Variants in PRDM11 observed in about 807,000 individuals in gnomAD.
PRDM11 encodes PR domain-containing protein 11.
A neutral mutation model predicts 97.8 loss-of-function variants in PRDM11; 20 were observed. The ratio of observed to expected loss-of-function variants is 0.20; its 90% CI spans 0.14 to 0.30. The LOEUF (loss-of-function observed/expected upper bound fraction) is 0.30, where lower values mean the gene tolerates loss of function less well. PRDM11 is among the 10% of genes least tolerant of loss of function. PRDM11 has a pLI of 1.00. For synonymous variants in PRDM11, 599 were observed against 637.7 expected (o/e 0.94, Z 0.91); for missense variants, 1,139 against 1,555.2 (o/e 0.73, Z 4.50).
At chr11:45,207,877 A>G (rs1319342853) in intron 5 of PRDM11, among the ~76,000 whole-genome samples, 1 of 152,206 alleles carries the variant, frequency 6.6e-6, no homozygotes, top group Non-Finnish European at 1.5e-5. Context: ...AAGGAAACCA[A>G]GGAGTGAATG....
intron 2 of PRDM11, 136 bp downstream of exon 2, chr11:45,182,021 G>T (rs371826047): frequency 1.6e-5 from 14 of 856,438 alleles, no homozygotes; most frequent in Admixed American, 5.5e-5. Context: ...GCTCCTGGGC[G>T]CAGGCTCTAG....
intron 1 of PRDM11, among the ~76,000 whole-genome samples, chr11:45,109,404 C>T (rs188993435): frequency 6.6e-6 from 1 of 152,306 alleles, no homozygotes; most frequent in African/African-American, 2.4e-5. Flanking sequence ...CCTTGGATGT[C>T]GCAGGGCTAT....
chr11:45,191,173 GTTGT>G (rs1205231263), intron 4 of PRDM11, among the ~76,000 whole-genome samples: 1 of 152,058 alleles, frequency 6.6e-6, no homozygotes, highest in East Asian at 1.9e-4. Context: ...GTTCAGGCTA[GTTGT>G]TTGCATAATG....
intron 4 of PRDM11, among the ~76,000 whole-genome samples, chr11:45,185,362 C>G (rs1012022893): frequency 2.0e-5 from 3 of 152,202 alleles, no homozygotes; most frequent in Non-Finnish European, 2.9e-5. Context: ...AAAGAGTTAT[C>G]TGCAGAAACC....
At chr11:45,156,641 A>G (rs956073796) in intron 1 of PRDM11, among the ~76,000 whole-genome samples, 10 of 152,358 alleles carry the variant, frequency 6.6e-5, no homozygotes, top group African/African-American at 2.2e-4. Flanking sequence ...GAAAACTTAA[A>G]AAGTAAAGAA....
At chr11:45,225,458 A>C (rs1854251153) in intron 7 of PRDM11, among the ~76,000 whole-genome samples, 1 of 152,216 alleles carries the variant, frequency 6.6e-6, no homozygotes, top group Admixed American at 6.5e-5. Context: ...GACTGTTTAC[A>C]TAGCACTTAC....
rs1208645905 is a variant in PRDM11 at position 45,151,529 on chromosome 11, G to C, written c.-7+4652G>C. On this transcript the variant is annotated intron_variant, in intron 1 of 7. Transcript: ENST00000683152. ...CGGTCCTTCATTCATTGACCAGGTGGTCAGGACATGTATGCCATTGCTGTG... is the reference window on the plus strand; with the variant it reads ...CGGTCCTTCATTCATTGACCAGGTGCTCAGGACATGTATGCCATTGCTGTG... Among the ~76,000 whole-genome samples, 3 of 152,238 alleles carry C rather than the reference G, an allele frequency of 2.0e-5. No homozygotes were observed. In the East Asian group the frequency reaches 5.8e-4, roughly 29 times the overall value.
intron 1 of PRDM11, among the ~76,000 whole-genome samples, chr11:45,176,744 G>A (rs1024635419): frequency 6.6e-6 from 1 of 152,108 alleles, no homozygotes; most frequent in African/African-American, 2.4e-5. Context: ...TAAGTTTAAG[G>A]CATATATTTA....
chr11:45,230,216 G>C lies in PRDM11; in HGVS notation c.*2057G>C, dbSNP rs900659541. 2 of 151,684 alleles carry C rather than the reference G, an allele frequency of 1.3e-5. No homozygotes were observed. The highest frequency in any genetic ancestry group is 2.9e-5 in the Non-Finnish European group (2 of 67,942). 9.4% of individuals were successfully genotyped at this position (151,684 alleles called of 1,614,324 possible). A position where few individuals can be genotyped will look rare whatever the true frequency, so the allele number is the denominator to read the frequency against. ...AAAAAACAAAAAACAAAAAAAAATG[G>C]GTTCCTCCAACTGTCCCACTGCCAG... On this transcript the variant is annotated 3_prime_UTR_variant, in exon 8 of 8. Coordinates refer to ENST00000683152, the MANE Select transcript of PRDM11 (RefSeq NM_001384648.1).
chr11:45,226,065 A>G lies in PRDM11; in HGVS notation c.1440A>G (p.Glu480=), dbSNP rs1348629965. The stretch of plus-strand genomic sequence containing the variant: ...ACCAGGAAGTCGATTCAGCAGATGA[A>G]TCTGTCTCCAATGATATGATGACAG... The part of the protein sequence containing the change: ...DDDQEVDSAD[E]SVSNDMMTAT... The change falls in exon 8 of 8, where the codon GAA becomes GAG. Residue 480 remains glutamate (E), a synonymous_variant. Transcript: ENST00000683152. 1 of 1,520,448 alleles carries G rather than the reference A, an allele frequency of 6.6e-7. No homozygotes were observed. Among genetic ancestry groups the G allele is most frequent in the Non-Finnish European group, 8.8e-7 (1 of 1,135,270 alleles). The allele number at this position is 1,520,448 out of a possible 1,614,324, so 94.2% of individuals were successfully genotyped here. A position where few individuals can be genotyped will look rare whatever the true frequency, so the allele number is the denominator to read the frequency against.
chr11:45,209,591 C>T (rs1026521758), intron 5 of PRDM11, among the ~76,000 whole-genome samples: 8 of 152,150 alleles, frequency 5.3e-5, no homozygotes, highest in Non-Finnish European at 1.0e-4. Flanking sequence ...AGGAATAAAC[C>T]AACGTTAAAT....
At chr11:45,121,233 A>G (rs1214616734) in intron 1 of PRDM11, among the ~76,000 whole-genome samples, 1 of 152,166 alleles carries the variant, frequency 6.6e-6, no homozygotes, top group Non-Finnish European at 1.5e-5. Context: ...GTCAGATTGA[A>G]CTAAAAAAAC....
intron 1 of PRDM11, among the ~76,000 whole-genome samples, chr11:45,114,439 A>G (rs901939229): frequency 1.3e-5 from 2 of 152,196 alleles, no homozygotes; most frequent in African/African-American, 4.8e-5. Context: ...GGTCTCAGAA[A>G]TCTGTAAGAT....
At chr11:45,155,817 G>A (rs1257972903) in intron 1 of PRDM11, among the ~76,000 whole-genome samples, 5 of 151,918 alleles carry the variant, frequency 3.3e-5, no homozygotes, top group African/African-American at 1.2e-4. Context: ...GAGGATCCAG[G>A]GCAGAGTGTC....
chr11:45,225,462 C>A (rs779005977), intron 7 of PRDM11, among the ~76,000 whole-genome samples: 2 of 152,156 alleles, frequency 1.3e-5, no homozygotes, highest in African/African-American at 2.4e-5. Flanking sequence ...GTTTACATAG[C>A]ACTTACTCTT....
At chr11:45,198,560 T>C (rs1306029858) in intron 4 of PRDM11, among the ~76,000 whole-genome samples, 2 of 152,194 alleles carry the variant, frequency 1.3e-5, no homozygotes, top group Non-Finnish European at 2.9e-5. Flanking sequence ...ACAAATCAGG[T>C]TTTTGAAAAT....
rs191605984 is a variant in PRDM11, at chr11:45,095,845, G to T, written c.40G>T (p.Val14Leu). 3.1e-5 allele frequency: 24 copies of T among 778,446 alleles called. No homozygotes were observed. The East Asian group carries it at 5.6e-4, about 18-fold the overall frequency. 48.2% of individuals were successfully genotyped at this position (778,446 alleles called of 1,614,324 possible). The change falls in exon 1 of 7, where the codon GTG (valine) becomes TTG (leucine). Residue 14 changes from valine to leucine, a missense_variant. Coordinates refer to the PRDM11 transcript ENST00000530656. ...AGAGCCAATTGCATCCCTGATGATC[G>T]TGGAGTGCCGGGCCTGCCTGAGATG...
At chr11:45,102,635 C>A (rs1851997550) in intron 1 of PRDM11, among the ~76,000 whole-genome samples, 1 of 152,154 alleles carries the variant, frequency 6.6e-6, no homozygotes, top group East Asian at 1.9e-4. Flanking sequence ...CCCCCTTGCA[C>A]CGTGCCACAG....
upstream of PRDM11, among the ~76,000 whole-genome samples, chr11:45,143,483 C>G (rs1851447234): frequency 6.6e-6 from 1 of 152,090 alleles, no homozygotes; most frequent in African/African-American, 2.4e-5. Context: ...TGTACCTGGC[C>G]TTGAATCACA....
Sources: gnomAD v4.1 joint callset for allele counts (sites outside exome capture counted in the v4.1 genomes callset) on GRCh38, gnomAD v4.1.1 for gene constraint, MANE v1.5 for transcripts, NCBI Gene and HGNC (gene_info 2026-07-23, HGNC 2026-07-21) for gene names.